The following ADAM22 variants were observed in gnomAD, a reference collection of about 807,000 sequenced individuals.
The protein encoded by ADAM22 is disintegrin and metalloproteinase domain-containing protein 22.
Under a neutral mutation model 144.6 loss-of-function variants are expected in ADAM22, and 65 were observed. The observed-to-expected ratio is 0.45, with a 90% confidence interval of 0.37 to 0.55. ADAM22 has a LOEUF of 0.55. ADAM22 is among the 20% of genes least tolerant of loss of function. The probability of loss-of-function intolerance (pLI) is 0.00; values close to 1 mark genes in which losing one functional copy is unlikely to be tolerated. For missense variants in ADAM22, 974 were observed against 1,184.9 expected, an observed-to-expected ratio of 0.82 and a Z score of 2.61; for synonymous variants, 391 against 412.6, an observed-to-expected ratio of 0.95 and a Z score of 0.63.
intron 3 of ADAM22, among the ~76,000 whole-genome samples, chr7:87,990,862 G>A (rs769099085): frequency 6.6e-6 from 1 of 152,072 alleles, no homozygotes; most frequent in East Asian, 1.9e-4. Flanking sequence ...ACGGAGTTTT[G>A]CCATGTTGTC....
At chr7:87,956,644 T>G (rs1311111440) in intron 2 of ADAM22, among the ~76,000 whole-genome samples, 1 of 152,226 alleles carries the variant, frequency 6.6e-6, no homozygotes, top group Non-Finnish European at 1.5e-5. Flanking sequence ...TGATCTACTT[T>G]CTGTCTCTAC....
rs143401086 is a variant in ADAM22 at position 88,076,290 on chromosome 7, G to T, written c.390+598G>T. 5.5e-3 allele frequency among the ~76,000 whole-genome samples: 840 copies of T among 152,170 alleles called. 11 individuals carry two copies. The highest frequency in any genetic ancestry group is 0.037 in the East Asian group (191 of 5,166). On this transcript the variant is annotated intron_variant, in intron 4 of 31. Transcript: ENST00000413139. ...AGACCTCAGGTGATCCACCCGCTCCGGCCTCCCAAAGTGCTGGGATTACAG... is the reference window on the plus strand; with the variant it reads ...AGACCTCAGGTGATCCACCCGCTCCTGCCTCCCAAAGTGCTGGGATTACAG...
intron 11 of ADAM22, 95 bp from the exon 12 acceptor site, chr7:88,132,772 T>C (rs780038800): frequency 5.2e-6 from 5 of 957,804 alleles, no homozygotes; most frequent in Non-Finnish European, 8.1e-6. Flanking sequence ...AGAAATCTTA[T>C]GTATAGAGAA....
At chr7:88,105,445 A>G (rs1052915905) in intron 4 of ADAM22, among the ~76,000 whole-genome samples, 1 of 152,210 alleles carries the variant, frequency 6.6e-6, no homozygotes, top group Non-Finnish European at 1.5e-5. Flanking sequence ...AATCCGATGT[A>G]TCCAGGAAAT....
At chr7:87,991,613 G>A (rs1038919911) in intron 3 of ADAM22, among the ~76,000 whole-genome samples, 2 of 152,004 alleles carry the variant, frequency 1.3e-5, no homozygotes, top group African/African-American at 2.4e-5. Flanking sequence ...TGATCCACCC[G>A]CCTCGGCCTC....
In ADAM22 at chr7:87,944,891, C is replaced by T. The variant is rs140817711; in HGVS notation, c.246+9705C>T. 4.9e-5 allele frequency among the ~76,000 whole-genome samples: 5 copies of T among 102,484 alleles called. No homozygotes were observed. The East Asian group carries it at 9.3e-4, about 19-fold the overall frequency. The allele number at this position is 102,484 out of a possible 152,430, so 67.2% of individuals were successfully genotyped here. The stretch of plus-strand genomic sequence containing the variant: ...CACATGAGCTTTAAGTATTCGGTTC[C>T]TCCTCCTTCCTTCTTCTTCTTCCTT... On this transcript the variant is annotated intron_variant, in intron 2 of 31. Transcript: ENST00000413139.
In ADAM22 at chr7:87,935,060, G is replaced by A. The variant is rs769934493; in HGVS notation, c.120G>A (p.Lys40=). The change falls in exon 2 of 32, where the codon AAG becomes AAA. Residue 40 remains lysine, a synonymous_variant. Coordinates refer to ENST00000413139, the MANE Select transcript of ADAM22 (RefSeq NM_001324418.2). ...DASLMELEKR[K]ENRFVERQSI... ...CATTGATGGAGCTAGAGAAGAGGAA[G>A]GAAAACCGCTTCGTGGAGCGCCAGA... is the stretch of plus-strand genomic sequence containing the variant. 1.2e-6 allele frequency: 2 copies of A among 1,614,186 alleles called. No homozygotes were observed. The highest frequency in any genetic ancestry group is 2.2e-5 in the South Asian group (2 of 91,084).
intron 3 of ADAM22, among the ~76,000 whole-genome samples, chr7:88,010,964 T>G (rs1795213880): frequency 1.3e-5 from 2 of 152,192 alleles, no homozygotes; most frequent in African/African-American, 4.8e-5. Flanking sequence ...TAATTTTTTG[T>G]GATTAGTAAA....
In ADAM22 at chr7:87,952,103, T is replaced by A. The variant is rs1301046839; in HGVS notation, c.246+16917T>A. ...CATCTGCAAACAGGGACAATTTGAC[T>A]TCCTCTTTTCCTAATTGAAGACCCT... On this transcript the variant is annotated intron_variant, in intron 2 of 31. Transcript: ENST00000413139. Among the ~76,000 whole-genome samples the A allele has an allele frequency of 5.9e-5, 9 of 151,822 alleles. No homozygotes were observed. In the South Asian group the frequency reaches 1.9e-3, roughly 32 times the overall value.
At position 88,134,311 on chromosome 7, in the gene ADAM22, T is replaced by G; in HGVS notation, c.1078-18T>G. ...AATTTGGATTTACATATATTTTATT[T>G]TTGTTTTTGTTTTTCAGTTTGGGAA... On this transcript the variant is annotated intron_variant, in intron 12 of 31. Transcript: ENST00000413139. 1 of 1,576,960 alleles carries G rather than the reference T, an allele frequency of 6.3e-7. No homozygotes were observed. Among genetic ancestry groups the G allele is most frequent in the South Asian group, 1.2e-5 (1 of 85,976 alleles).
chr7:88,022,988 C>T (rs182777771), intron 3 of ADAM22, among the ~76,000 whole-genome samples: 4 of 152,194 alleles, frequency 2.6e-5, no homozygotes, highest in Non-Finnish European at 5.9e-5. Context: ...AGATTAGATA[C>T]ATCGATTCAT....
intron 3 of ADAM22, among the ~76,000 whole-genome samples, chr7:88,006,930 G>A (rs994707917): frequency 6.7e-6 from 1 of 150,360 alleles, no homozygotes; most frequent in Non-Finnish European, 1.5e-5. Flanking sequence ...GGAAATAAAG[G>A]GTATTCAATT....
intron 14 of ADAM22, among the ~76,000 whole-genome samples, chr7:88,137,677 G>A (rs1047945069): frequency 4.6e-5 from 7 of 152,060 alleles, no homozygotes; most frequent in Non-Finnish European, 2.9e-5. Flanking sequence ...TCACAAATTA[G>A]TTATAAATTT....
intron 3 of ADAM22, among the ~76,000 whole-genome samples, chr7:88,000,577 A>G (rs1262265830): frequency 1.3e-5 from 2 of 152,172 alleles, no homozygotes; most frequent in African/African-American, 4.8e-5. Context: ...CTGTTTTTAT[A>G]GCCACAAAGA....
chr7:87,992,025 C>T (rs1040088777), intron 3 of ADAM22, among the ~76,000 whole-genome samples: 3 of 152,170 alleles, frequency 2.0e-5, no homozygotes, highest in African/African-American at 7.2e-5. Context: ...GAGAAATGCT[C>T]TCTGTGTTCA....
chr7:87,976,343 G>A (rs1851889181), intron 2 of ADAM22, among the ~76,000 whole-genome samples: 1 of 152,106 alleles, frequency 6.6e-6, no homozygotes, highest in African/African-American at 2.4e-5. Flanking sequence ...CATAAGGGTG[G>A]GACCCTAATC....
At chr7:88,171,624 A>T (rs1367145712) in intron 26 of ADAM22, 63 bp downstream of exon 26, 7 of 1,376,606 alleles carry the variant, frequency 5.1e-6, no homozygotes, top group Non-Finnish European at 6.9e-6. Context: ...GCATTGTTGG[A>T]ATTCATACAT....
intron 8 of ADAM22, among the ~76,000 whole-genome samples, chr7:88,127,896 CT>C (rs1481837109): frequency 6.6e-6 from 1 of 151,974 alleles, no homozygotes; most frequent in Non-Finnish European, 1.5e-5. Context: ...TCCTTAGTGG[CT>C]TTTCCCTGTA....
intron 3 of ADAM22, among the ~76,000 whole-genome samples, chr7:88,032,754 T>C (rs1800600714): frequency 6.6e-6 from 1 of 152,174 alleles, no homozygotes; most frequent in Admixed American, 6.5e-5. Context: ...GGTGATTGGA[T>C]TGTAATGGTT....
Sources: gnomAD v4.1 joint callset for allele counts (sites outside exome capture counted in the v4.1 genomes callset) on GRCh38, gnomAD v4.1.1 for gene constraint, MANE v1.5 for transcripts, NCBI Gene and HGNC (gene_info 2026-07-23, HGNC 2026-07-21) for gene names.